The following SORCS1 variants were observed in gnomAD, a reference collection of about 807,000 sequenced individuals.
The protein encoded by SORCS1 is VPS10 domain-containing receptor SorCS1.
A neutral mutation model predicts 146.1 loss-of-function variants in SORCS1; 60 were observed. The ratio of observed to expected loss-of-function variants is 0.41; its 90% CI spans 0.33 to 0.51. The LOEUF (loss-of-function observed/expected upper bound fraction) is 0.51. Ranked by LOEUF, SORCS1 falls within the 20% of genes least tolerant of loss-of-function variation. SORCS1 has a pLI of 0.21. For synonymous variants in SORCS1, 637 were observed against 584.0 expected, an observed-to-expected ratio of 1.09 and a Z score of -1.31; for missense variants, 1,352 against 1,487.6, an observed-to-expected ratio of 0.91 and a Z score of 1.50.
Position 106,575,774 on chromosome 10 carries a change from C to T in SORCS1, c.*1646G>A, listed in dbSNP as rs1399604285. The stretch of plus-strand genomic sequence containing the variant: ...CTCACCCTAATGTAAGACAAGACCC[C>T]CATTTATTCTCTCAGACTGTTTGAC... On this transcript the variant is annotated 3_prime_UTR_variant, in exon 26 of 26. Coordinates refer to ENST00000263054, the MANE Select transcript of SORCS1 (RefSeq NM_052918.5). 2 of 152,626 alleles carry T rather than the reference C, an allele frequency of 1.3e-5. No homozygotes were observed. The highest frequency in any genetic ancestry group is 2.4e-5 in the African/African-American group (1 of 41,448). 9.5% of individuals were successfully genotyped at this position (152,626 alleles called of 1,614,324 possible).
intron 2 of SORCS1, among the ~76,000 whole-genome samples, chr10:106,839,434 A>G (rs1012226615): frequency 2.6e-5 from 4 of 152,208 alleles, no homozygotes; most frequent in Non-Finnish European, 4.4e-5. Flanking sequence ...CCTCAACTCT[A>G]TGAAGGCCAA....
chr10:106,597,630 A>C lies in SORCS1; in HGVS notation c.3166-180T>G, dbSNP rs936326676. On this transcript the variant is annotated intron_variant, in intron 23 of 25. Coordinates refer to ENST00000263054, the MANE Select transcript of SORCS1 (RefSeq NM_052918.5). ...TATGCAGATACAATTATTTTTAAGC[A>C]TGACCTGTCTTTACGTGCTAATTGC... Among the ~76,000 whole-genome samples the C allele has an allele frequency of 2.0e-5, 3 of 152,246 alleles. No individual in the cohort carries two copies. In the South Asian group the frequency reaches 6.2e-4, roughly 31 times the overall value.
chr10:106,793,524 T>C (rs1946412966), intron 3 of SORCS1, among the ~76,000 whole-genome samples: 1 of 152,134 alleles, frequency 6.6e-6, no homozygotes, highest in Non-Finnish European at 1.5e-5. Flanking sequence ...TCATTCAGAA[T>C]GATCACTTTG....
intron 1 of SORCS1, among the ~76,000 whole-genome samples, chr10:106,971,034 G>A (rs1955761289): frequency 6.6e-6 from 1 of 150,916 alleles, no homozygotes; most frequent in African/African-American, 2.4e-5. Flanking sequence ...ACAGGTGTGA[G>A]CCACCATGAC....
In SORCS1 at chr10:106,607,181, A is replaced by G. The variant is rs1846659508; in HGVS notation, c.3150T>C (p.Thr1050=). The G allele has an allele frequency of 1.9e-6, 3 of 1,614,060 alleles. No individual in the cohort carries two copies. Among genetic ancestry groups the G allele is most frequent in the Non-Finnish European group, 1.7e-6 (2 of 1,179,954 alleles). The change falls in exon 23 of 26, where the codon ACT becomes ACC. Residue 1050 remains threonine (T), a synonymous_variant. Coordinates refer to ENST00000263054, the MANE Select transcript of SORCS1 (RefSeq NM_052918.5). ...GGGGACTCACCTGCTCCAGGTCATC[A>G]GTTGACCTTTTGTTTTCTCCAGCTG... ...QDPAGENKRS[T]DDLEQISELL...
At chr10:106,648,967 C>A (rs1470735258) in intron 18 of SORCS1, among the ~76,000 whole-genome samples, 1 of 152,088 alleles carries the variant, frequency 6.6e-6, no homozygotes, top group African/African-American at 2.4e-5. Flanking sequence ...GGCCACCGAC[C>A]AGGAGAACTA....
chr10:106,661,808 T>C (rs940879944), intron 17 of SORCS1, among the ~76,000 whole-genome samples: 3 of 152,234 alleles, frequency 2.0e-5, no homozygotes, highest in African/African-American at 7.2e-5. Context: ...GAACAAAACA[T>C]CCCCAATTGT....
intron 1 of SORCS1, among the ~76,000 whole-genome samples, chr10:107,143,510 C>G (rs1419588260): frequency 6.6e-6 from 1 of 151,796 alleles, no homozygotes; most frequent in Non-Finnish European, 1.5e-5. Context: ...CTTTTCTTTT[C>G]TTTTTCTTTT....
At chr10:106,913,054 G>A (rs558166043) in intron 2 of SORCS1, among the ~76,000 whole-genome samples, 3 of 149,272 alleles carry the variant, frequency 2.0e-5, no homozygotes, top group Admixed American at 6.9e-5. Flanking sequence ...GTGTGATAAT[G>A]GCAATGCCAC....
At chr10:107,021,571 C>A (rs1958142229) in intron 1 of SORCS1, among the ~76,000 whole-genome samples, 1 of 149,264 alleles carries the variant, frequency 6.7e-6, no homozygotes, top group South Asian at 2.1e-4. Context: ...CCCAACCCCT[C>A]CTCCCAAATG....
chr10:106,729,295 T>C (rs1856425186), intron 6 of SORCS1, among the ~76,000 whole-genome samples: 1 of 152,186 alleles, frequency 6.6e-6, no homozygotes, highest in Non-Finnish European at 1.5e-5. Context: ...CCTACAACAT[T>C]GTCATGAGGC....
At chr10:106,976,798 G>A (rs1473193242) in intron 1 of SORCS1, among the ~76,000 whole-genome samples, 1 of 152,030 alleles carries the variant, frequency 6.6e-6, no homozygotes, top group Non-Finnish European at 1.5e-5. Context: ...GTGGTGTTTG[G>A]TTTTCTGTTC....
At chr10:106,986,511 CGTGTGTGTGTGTGTGTGTGTGTGT>C (rs58888609) in intron 1 of SORCS1, among the ~76,000 whole-genome samples, 2 of 148,418 alleles carry the variant, frequency 1.3e-5, no homozygotes, top group East Asian at 4.0e-4. Flanking sequence ...TATATACAAC[CGTGTGTGTGTGTGTGTGTGTGTGT>C]GTGTGTGTGT....
intron 2 of SORCS1, among the ~76,000 whole-genome samples, chr10:106,932,787 C>T (rs1017688181): frequency 2.0e-5 from 3 of 152,198 alleles, no homozygotes; most frequent in Non-Finnish European, 4.4e-5. Context: ...TGTGCCAACA[C>T]AGTTGCAAGC....
intron 2 of SORCS1, among the ~76,000 whole-genome samples, chr10:106,830,318 C>T (rs767015809): frequency 6.6e-6 from 1 of 152,132 alleles, no homozygotes; most frequent in Non-Finnish European, 1.5e-5. Flanking sequence ...AAATTATTCA[C>T]TCGGATTAAA....
intron 18 of SORCS1, among the ~76,000 whole-genome samples, chr10:106,651,808 A>C (rs1849885485): frequency 6.6e-6 from 1 of 152,228 alleles, no homozygotes; most frequent in Admixed American, 6.5e-5. Flanking sequence ...TCCACCATAT[A>C]AATTTCAGAC....
chr10:107,036,973 C>T (rs1486503084), intron 1 of SORCS1, among the ~76,000 whole-genome samples: 1 of 152,144 alleles, frequency 6.6e-6, no homozygotes, highest in African/African-American at 2.4e-5. Context: ...AGGCTGGGCG[C>T]GGTGGCTCAT....
At chr10:106,945,811 G>C (rs989596886) in intron 2 of SORCS1, among the ~76,000 whole-genome samples, 15 of 152,214 alleles carry the variant, frequency 9.9e-5, no homozygotes, top group African/African-American at 3.6e-4. Flanking sequence ...CAAACAAGGA[G>C]AGCAGGGGTG....
the SORCS1 span, among the ~76,000 whole-genome samples, chr10:107,173,677 T>A: frequency 1.3e-5 from 2 of 152,332 alleles, no homozygotes; most frequent in South Asian, 2.1e-4. Flanking sequence ...TATTGTTTTA[T>A]CATTTATATC....
Sources: allele counts gnomAD v4.1 joint callset (sites outside exome capture counted in the v4.1 genomes callset), GRCh38; gene constraint gnomAD v4.1.1; transcripts MANE v1.5; gene names NCBI Gene and HGNC (gene_info 2026-07-23, HGNC 2026-07-21).